Variants in NFASC observed in about 807,000 individuals in gnomAD.
NFASC encodes the protein neurofascin, also known as neurofascin homolog.
NFASC carries 43 observed loss-of-function variants against 147.5 expected under a neutral mutation model. That is an observed-to-expected ratio of 0.29 (90% confidence interval 0.23 to 0.38). NFASC has a LOEUF of 0.38. Among genes scored for constraint, NFASC ranks in the 10% least tolerant of loss-of-function variants. The probability of loss-of-function intolerance (pLI) is 1.00; values close to 1 mark genes in which losing one functional copy is unlikely to be tolerated. For missense variants in NFASC, 1,320 were observed against 1,689.0 expected (o/e 0.78, Z 3.83); for synonymous variants, 622 against 665.5 (o/e 0.93, Z 1.01).
intron 27 of NFASC, among the ~76,000 whole-genome samples, chr1:205,005,610 A>C (rs1481451966): frequency 6.6e-6 from 1 of 152,222 alleles, no homozygotes; most frequent in Non-Finnish European, 1.5e-5. Flanking sequence ...GTTGACAGTC[A>C]AATATAATTG....
At chr1:204,839,825 T>A (rs879292787) in intron 1 of NFASC, among the ~76,000 whole-genome samples, 1 of 152,188 alleles carries the variant, frequency 6.6e-6, no homozygotes, top group Non-Finnish European at 1.5e-5. Context: ...TTGTTGGGTC[T>A]CCATCAGCTC....
intron 2 of NFASC, among the ~76,000 whole-genome samples, chr1:204,942,670 C>T (rs866786430): frequency 1.3e-5 from 2 of 151,496 alleles, no homozygotes; most frequent in Non-Finnish European, 2.9e-5. Context: ...GAAAAGTGGA[C>T]CTGGAGAGAC....
chr1:204,894,178 T>A (rs911988), intron 1 of NFASC, among the ~76,000 whole-genome samples: 42,559 of 152,154 alleles, frequency 0.28, 10,507 homozygotes, highest in East Asian at 0.72. Context: ...TGGCAGAGAT[T>A]AAAAAAATAT....
intron 1 of NFASC, among the ~76,000 whole-genome samples, chr1:204,875,073 T>TTTGTTG (rs3046329): frequency 0.052 from 7,870 of 150,816 alleles, 365 homozygotes; most frequent in African/African-American, 0.12. Context: ...GTGGGTCTGC[T>TTTGTTG]TTGTTGTTGT....
chr1:204,939,139 C>T (rs781163696), intron 2 of NFASC, among the ~76,000 whole-genome samples: 2 of 147,564 alleles, frequency 1.4e-5, no homozygotes, highest in Non-Finnish European at 3.0e-5. Flanking sequence ...TCATGTTCTC[C>T]AGTACTTAGT....
chr1:204,944,696 C>A (rs2093597037), intron 3 of NFASC: 2 of 396,316 alleles, frequency 5.0e-6, no homozygotes, highest in East Asian at 9.2e-5. Flanking sequence ...GTTTGGGATT[C>A]TGAGTGCCAC....
At chr1:204,997,539 C>T (rs1376774341) in intron 25 of NFASC, 133 bp downstream of exon 25, 4 of 1,025,412 alleles carry the variant, frequency 3.9e-6, no homozygotes, top group African/African-American at 3.2e-5. Flanking sequence ...CTTTGTGTTT[C>T]CTTTGGAAAC....
chr1:204,969,023 C>G (rs1302854861), intron 10 of NFASC, 41 bp downstream of exon 10: 2 of 1,561,120 alleles, frequency 1.3e-6, no homozygotes, highest in Admixed American at 3.4e-5. Context: ...TGTTGCCAAC[C>G]CTGAACACCA....
intron 2 of NFASC, among the ~76,000 whole-genome samples, chr1:204,923,580 C>T (rs1431717229): frequency 6.6e-6 from 1 of 152,204 alleles, no homozygotes; most frequent in Non-Finnish European, 1.5e-5. Flanking sequence ...GGCCTCCTCT[C>T]TCCAGAAACA....
At chr1:204,853,845 C>A (rs970836236) in intron 1 of NFASC, among the ~76,000 whole-genome samples, 2 of 152,166 alleles carry the variant, frequency 1.3e-5, no homozygotes, top group Non-Finnish European at 2.9e-5. Flanking sequence ...TCGGGGCCAG[C>A]TAGGCACACC....
intron 24 of NFASC, among the ~76,000 whole-genome samples, chr1:204,993,590 A>G (rs2841628): frequency 1 from 152,245 of 152,304 alleles, 76,093 homozygotes; most frequent in Non-Finnish European, 1. Context: ...TGACGCTGCC[A>G]TCTAGGAAGG....
At chr1:204,961,067 G>T (rs2094640434) in intron 8 of NFASC, among the ~76,000 whole-genome samples, 1 of 152,142 alleles carries the variant, frequency 6.6e-6, no homozygotes, top group African/African-American at 2.4e-5. Context: ...CATCTGCTTG[G>T]CTTCCAGTCA....
At chr1:204,920,826 A>C (rs987628384) in intron 2 of NFASC, 86 bp downstream of exon 2, 76 of 571,808 alleles carry the variant, frequency 1.3e-4, no homozygotes, top group Non-Finnish European at 2.0e-4. Flanking sequence ...TCTCTTTGAT[A>C]AGGGAAGCCT....
intron 1 of NFASC, among the ~76,000 whole-genome samples, chr1:204,829,795 G>A (rs762991739): frequency 5.9e-5 from 9 of 152,160 alleles, no homozygotes; most frequent in Non-Finnish European, 1.2e-4. Context: ...GAGCCCTGCT[G>A]GAGGGCTGGA....
At chr1:204,873,446 G>A (rs758097475) in intron 1 of NFASC, among the ~76,000 whole-genome samples, 1 of 152,296 alleles carries the variant, frequency 6.6e-6, no homozygotes, top group East Asian at 1.9e-4. Context: ...GAAGAAGCCC[G>A]AGAGAGAGAA....
At chr1:204,910,753 T>G (rs2087234451) in intron 1 of NFASC, among the ~76,000 whole-genome samples, 1 of 152,070 alleles carries the variant, frequency 6.6e-6, no homozygotes, top group Admixed American at 6.6e-5. Context: ...TCCTCCTACC[T>G]CCGGCCTCCC....
At chr1:205,005,422 A>C (rs1284031638) in intron 27 of NFASC, among the ~76,000 whole-genome samples, 1 of 152,166 alleles carries the variant, frequency 6.6e-6, no homozygotes, top group Admixed American at 6.5e-5. Context: ...AAGGCACACA[A>C]AACACGTCTT....
chr1:205,011,777 G>T (rs1213338558), intron 28 of NFASC, among the ~76,000 whole-genome samples: 4 of 152,106 alleles, frequency 2.6e-5, no homozygotes, highest in Non-Finnish European at 5.9e-5. Flanking sequence ...TATCTACCTT[G>T]TGTCTCAAAA....
In NFASC at chr1:204,975,193, A is replaced by G; in HGVS notation, c.1559-78A>G. On this transcript the variant is annotated intron_variant, in intron 14 of 29. Transcript: ENST00000339876. This position sits in a 1 kb window ranked among gnomAD's most constrained non-coding sequence, Gnocchi z 4.0. ...AGTTGGCCCAAGGCCTCGAGGGCAG[A>G]CATATGCCACTTTGTGGCCGCATGG... 3 of 1,510,990 alleles carry G rather than the reference A, an allele frequency of 2.0e-6. No homozygotes were observed. In the Admixed American group the frequency reaches 5.9e-5, roughly 30 times the overall value. The allele number at this position is 1,510,990 out of a possible 1,614,324, so 93.6% of individuals were successfully genotyped here.
Sources: allele counts gnomAD v4.1 joint callset (sites outside exome capture counted in the v4.1 genomes callset), GRCh38; gene constraint gnomAD v4.1.1; non-coding constraint Gnocchi (gnomAD v3.1); transcripts MANE v1.5; gene names NCBI Gene and HGNC (gene_info 2026-07-23, HGNC 2026-07-21).